Variants in HDAC5 observed in about 807,000 individuals in gnomAD.
The protein encoded by HDAC5 is histone deacetylase 5, also known as antigen NY-CO-9.
In HDAC5, 25 loss-of-function variants were observed where a neutral mutation model predicts 133.3. The observed-to-expected ratio is 0.19, with a 90% CI of 0.14 to 0.26. The LOEUF is 0.26. HDAC5 is among the 10% of genes least tolerant of loss of function. The pLI, the probability that HDAC5 is intolerant of heterozygous loss-of-function variation, is 1.00. For synonymous variants in HDAC5, 589 were observed against 610.8 expected (o/e 0.96, Z 0.53); for missense variants, 1,041 against 1,460.5 (o/e 0.71, Z 4.68).
rs73308509 is a variant in HDAC5 at position 44,086,471 on chromosome 17, C to G, written c.2050+101G>C. ...CCTGTGTCCCCTCCTTTCAGGGTGC[C>G]TAAGGGGCCCCAGCAGCCTCTTCCC... On this transcript the variant is annotated intron_variant, in intron 14 of 26. Transcript: ENST00000682912. 2,908 of 1,039,150 alleles carry G rather than the reference C, an allele frequency of 2.8e-3. 47 individuals carry two copies. The African/African-American group carries it at 0.04, about 14-fold the overall frequency. The allele number at this position is 1,039,150 out of a possible 1,614,324, so 64.4% of individuals were successfully genotyped here.
intron 12 of HDAC5, 149 bp from the exon 13 acceptor site, chr17:44,087,845 G>A (rs1052360172): frequency 1.5e-5 from 15 of 983,820 alleles, no homozygotes; most frequent in Non-Finnish European, 1.8e-5. Flanking sequence ...TCCTCTGAGA[G>A]GACTTTTTTT....
At chr17:44,091,937 C>T in intron 9 of HDAC5, 106 bp from the exon 10 acceptor site, 1 of 1,341,586 alleles carries the variant, frequency 7.5e-7, no homozygotes, top group Non-Finnish European at 1.0e-6. Flanking sequence ...GCCCAGTTCC[C>T]TCTACCCTGA....
intron 3 of HDAC5, among the ~76,000 whole-genome samples, chr17:44,104,976 T>G (rs1284689387): frequency 2.0e-5 from 3 of 152,146 alleles, no homozygotes; most frequent in African/African-American, 7.2e-5. Flanking sequence ...CAATTCCCCC[T>G]GTTTTCAGAG....
In HDAC5 at chr17:44,093,341, G is replaced by C. The variant is rs1442381232; in HGVS notation, c.499C>G (p.Leu167Val). The part of the protein sequence containing the change: ...KQRLEQQLLI[L>V]RNKEKSKESA... ...TCTTTGCTCTTCTCCTTGTTCCGCAGGATGAGCAGCTGCTGCTCCAGCCGC... is the reference window on the plus strand; with the variant it reads ...TCTTTGCTCTTCTCCTTGTTCCGCACGATGAGCAGCTGCTGCTCCAGCCGC... Residue 167 changes from leucine to valine, a missense_variant, in exon 5 of 27, where the codon CTG becomes GTG. Coordinates refer to ENST00000682912, the MANE Select transcript of HDAC5 (RefSeq NM_005474.5). 4 of 1,588,062 alleles carry C rather than the reference G, an allele frequency of 2.5e-6. No individual in the cohort carries two copies. Among genetic ancestry groups the C allele is most frequent in the Non-Finnish European group, 3.4e-6 (4 of 1,170,326 alleles).
Position 44,117,796 on chromosome 17 carries a change from T to A in HDAC5, c.-189-92A>T, listed in dbSNP as rs1018044942. On this transcript the variant is annotated intron_variant, in intron 1 of 26. Transcript: ENST00000682912. This position sits in a 1 kb window ranked among gnomAD's most constrained non-coding sequence, Gnocchi z 4.2. The stretch of plus-strand genomic sequence containing the variant: ...GAGCTCATCAGTTTGTACCTGGGGA[T>A]GAGGGATGAGAGGGAGGGATACCTG... The A allele has an allele frequency of 5.2e-6, 3 of 576,540 alleles. No homozygotes were observed. The highest frequency in any genetic ancestry group is 6.1e-5 in the Admixed American group (2 of 32,994). 35.7% of individuals were successfully genotyped at this position (576,540 alleles called of 1,614,324 possible). A position where few individuals can be genotyped will look rare whatever the true frequency, so the allele number is the denominator to read the frequency against.
At chr17:44,079,735 A>C (rs999254540) in intron 23 of HDAC5, among the ~76,000 whole-genome samples, 4 of 152,108 alleles carry the variant, frequency 2.6e-5, no homozygotes, top group South Asian at 2.1e-4. Flanking sequence ...TATAAACCCA[A>C]ATATATCCAT....
chr17:44,084,913 G>T, intron 15 of HDAC5, 109 bp downstream of exon 15: 2 of 1,426,634 alleles, frequency 1.4e-6, no homozygotes, highest in Non-Finnish European at 9.5e-7. Context: ...TGGCCCCGAA[G>T]TCTGGGGCTG....
chr17:44,080,615 G>T, intron 21 of HDAC5, 117 bp from the exon 22 acceptor site: 1 of 1,452,446 alleles, frequency 6.9e-7, no homozygotes. Flanking sequence ...GCCTGGAGGG[G>T]CAGTCAGATC....
At chr17:44,083,880 T>G (rs767279123) in intron 16 of HDAC5, 26 bp from the exon 17 acceptor site, 5 of 1,607,544 alleles carry the variant, frequency 3.1e-6, no homozygotes, top group Non-Finnish European at 4.3e-6. Context: ...ATAGAGCTAC[T>G]CTAGAAGTGG....
intron 1 of HDAC5, among the ~76,000 whole-genome samples, chr17:44,121,323 G>C (rs1432356808): frequency 6.6e-6 from 1 of 152,010 alleles, no homozygotes; most frequent in African/African-American, 2.4e-5. Flanking sequence ...AGTTTAATTA[G>C]CTAAAGTCGG....
Position 44,117,408 on chromosome 17 carries a change from G to C in HDAC5, c.22+86C>G. 7.0e-7 allele frequency: 1 copy of C among 1,423,884 alleles called. No individual in the cohort carries two copies. The highest frequency in any genetic ancestry group is 9.9e-7 in the Non-Finnish European group (1 of 1,006,466). 88.2% of individuals were successfully genotyped at this position (1,423,884 alleles called of 1,614,324 possible). A position where few individuals can be genotyped will look rare whatever the true frequency, so the allele number is the denominator to read the frequency against. On this transcript the variant is annotated intron_variant, in intron 2 of 26. Transcript: ENST00000682912. The surrounding 1 kb of genome is among the most constrained non-coding windows in gnomAD (Gnocchi z 4.2). ...TTCCCTTATAGCTCAGACAGTAAAG[G>C]TCAGCTGGCCTGGAAGGGAAACCCA...
chr17:44,078,345 G>A lies in HDAC5; in HGVS notation c.*31C>T, dbSNP rs2050208195. On this transcript the variant is annotated 3_prime_UTR_variant, in exon 27 of 27. Coordinates refer to ENST00000682912, the MANE Select transcript of HDAC5 (RefSeq NM_005474.5). ...TAGAAAAAATAAACAAAATCACAATGGTGAAGCCCAGAGGGATGGGGGCCG... is the reference window on the plus strand; with the variant it reads ...TAGAAAAAATAAACAAAATCACAATAGTGAAGCCCAGAGGGATGGGGGCCG... 4.6e-6 allele frequency: 7 copies of A among 1,519,962 alleles called. No homozygotes were observed. The highest frequency in any genetic ancestry group is 6.2e-6 in the Non-Finnish European group (7 of 1,137,258). The allele number at this position is 1,519,962 out of a possible 1,614,324, so 94.2% of individuals were successfully genotyped here. A position where few individuals can be genotyped will look rare whatever the true frequency, so the allele number is the denominator to read the frequency against.
At chr17:44,080,007 C>T in intron 23 of HDAC5, 100 bp downstream of exon 23, 2 of 879,536 alleles carry the variant, frequency 2.3e-6, no homozygotes, top group East Asian at 2.4e-5. Context: ...CCCCTGCTTT[C>T]CCCGTCTGCT....
chr17:44,085,130 T>C lies in HDAC5; in HGVS notation c.2076A>G (p.Leu692=). Residue 692 remains leucine (L), a synonymous_variant, in exon 15 of 27, where the codon CTA becomes CTG. Coordinates refer to ENST00000682912, the MANE Select transcript of HDAC5 (RefSeq NM_005474.5). ...TTGVVYDTFM[L]KHQCMCGNTH... is the part of the protein sequence containing the mutation. ...TGTTCCCGCACATGCACTGGTGCTT[T>C]AGCATGAACGTGTCGTAGACCACAC... is the stretch of plus-strand genomic sequence containing the variant. 1 of 1,600,604 alleles carries C rather than the reference T, an allele frequency of 6.2e-7. No individual in the cohort carries two copies. Among genetic ancestry groups the C allele is most frequent in the Non-Finnish European group, 8.6e-7 (1 of 1,168,846 alleles).
rs1193322164 is a variant in HDAC5, at chr17:44,087,774, C to T, written c.1600-78G>A. On this transcript the variant is annotated intron_variant, in intron 12 of 26. Transcript: ENST00000682912. Reference sequence around the variant, plus strand: ...AGCCTAAAACCCAGAACAGTCTATCCTTCCCTCCCTCCCTTCTTCCAGGTA... The same window carrying T: ...AGCCTAAAACCCAGAACAGTCTATCTTTCCCTCCCTCCCTTCTTCCAGGTA... 5 of 1,441,908 alleles carry T rather than the reference C, an allele frequency of 3.5e-6. No homozygotes were observed. The South Asian group carries it at 4.7e-5, about 14-fold the overall frequency. The allele number at this position is 1,441,908 out of a possible 1,614,324, so 89.3% of individuals were successfully genotyped here.
Position 44,083,852 on chromosome 17 carries a change from G to C in HDAC5, c.2308C>G (p.Pro770Ala). The change falls in exon 17 of 27, where the codon CCC (proline) becomes GCC (alanine). Residue 770 changes from proline to alanine, a missense_variant and splice_region_variant. Coordinates refer to ENST00000682912, the MANE Select transcript of HDAC5 (RefSeq NM_005474.5). ...QKLDSKKLLG[P>A]ISQKMYAVLP... ...ACAGCATACATCTTCTGGCTGATGGGGCCTGCATGGAAGAGGAATAGAGCT... is the reference window on the plus strand; with the variant it reads ...ACAGCATACATCTTCTGGCTGATGGCGCCTGCATGGAAGAGGAATAGAGCT... 6.2e-7 allele frequency: 1 copy of C among 1,613,902 alleles called. No homozygotes were observed.
intron 2 of HDAC5, among the ~76,000 whole-genome samples, chr17:44,116,997 G>A (rs142079900): frequency 0.01 from 1,529 of 152,264 alleles, 16 homozygotes; most frequent in Non-Finnish European, 0.014. Context: ...CCAATGCCAC[G>A]CACCTGCACA....
chr17:44,078,343 AT>A lies in HDAC5; in HGVS notation c.*32del. On this transcript the variant is annotated 3_prime_UTR_variant, in exon 27 of 27. Transcript: ENST00000682912. ...AATAGAAAAAATAAACAAAATCACA[AT>A]GGTGAAGCCCAGAGGGATGGGGGCC... 4 of 1,517,770 alleles carry A rather than the reference AT, an allele frequency of 2.6e-6. No individual in the cohort carries two copies. Among genetic ancestry groups the A allele is most frequent in the Non-Finnish European group, 3.5e-6 (4 of 1,136,400 alleles). 94.0% of individuals were successfully genotyped at this position (1,517,770 alleles called of 1,614,324 possible). A position where few individuals can be genotyped will look rare whatever the true frequency, so the allele number is the denominator to read the frequency against.
chr17:44,113,963 G>A (rs1455628206), intron 2 of HDAC5, among the ~76,000 whole-genome samples: 2 of 152,162 alleles, frequency 1.3e-5, no homozygotes, highest in East Asian at 1.9e-4. Context: ...CCTGCCCTTC[G>A]AGCCCAGTCA....
Sources: allele counts gnomAD v4.1 joint callset (sites outside exome capture counted in the v4.1 genomes callset), GRCh38; gene constraint gnomAD v4.1.1; non-coding constraint Gnocchi (gnomAD v3.1); transcripts MANE v1.5; gene names NCBI Gene and HGNC (gene_info 2026-07-23, HGNC 2026-07-21).